ROBO1: variants seen among roughly 807,000 people sequenced by gnomAD.
The protein encoded by ROBO1 is roundabout homolog 1.
Under a neutral mutation model 195.9 loss-of-function variants are expected in ROBO1, and 149 were observed. That is an observed-to-expected ratio of 0.76 (90% confidence interval 0.67 to 0.87). ROBO1 has a LOEUF of 0.87. Among genes scored for constraint, ROBO1 ranks in the 40% least tolerant of loss-of-function variants. ROBO1 has a pLI of 0.00. For missense variants in ROBO1, 1,933 were observed against 2,068.3 expected, an observed-to-expected ratio of 0.93 and a Z score of 1.27; for synonymous variants, 816 against 733.2, an observed-to-expected ratio of 1.11 and a Z score of -1.82.
chr3:79,180,345 C>G (rs556901994), intron 2 of ROBO1, among the ~76,000 whole-genome samples: 1 of 152,124 alleles, frequency 6.6e-6, no homozygotes, highest in Non-Finnish European at 1.5e-5. Flanking sequence ...GGGATAAATA[C>G]TAACAAAACA....
intron 10 of ROBO1, among the ~76,000 whole-genome samples, chr3:78,674,377 C>A (rs1022695913): frequency 6.6e-6 from 1 of 152,306 alleles, no homozygotes; most frequent in African/African-American, 2.4e-5. Flanking sequence ...AAGTACTCTG[C>A]CTACTAGCCA....
chr3:79,345,324 A>G (rs2035069505), intron 2 of ROBO1, among the ~76,000 whole-genome samples: 1 of 152,168 alleles, frequency 6.6e-6, no homozygotes, highest in South Asian at 2.1e-4. Context: ...GTTCTTAGTC[A>G]TTTACAGACC....
intron 2 of ROBO1, among the ~76,000 whole-genome samples, chr3:79,425,018 C>A (rs2106964792): frequency 6.6e-6 from 1 of 152,244 alleles, no homozygotes; most frequent in South Asian, 2.1e-4. Flanking sequence ...GCGACATGCT[C>A]CTTCATGCCT....
At chr3:79,276,621 G>A (rs2108988580) in intron 2 of ROBO1, among the ~76,000 whole-genome samples, 1 of 151,678 alleles carries the variant, frequency 6.6e-6, no homozygotes, top group South Asian at 2.1e-4. Context: ...TTGACAAATG[G>A]GATCATATAA....
intron 5 of ROBO1, among the ~76,000 whole-genome samples, chr3:78,731,693 A>C (rs1576041730): frequency 6.6e-6 from 1 of 152,322 alleles, no homozygotes; most frequent in Non-Finnish European, 1.5e-5. Context: ...ACTGCATTAT[A>C]GCAGACAAAT....
At chr3:79,191,047 C>T (rs546608876) in intron 2 of ROBO1, among the ~76,000 whole-genome samples, 2 of 151,532 alleles carry the variant, frequency 1.3e-5, no homozygotes, top group Admixed American at 6.6e-5. Context: ...TGAGGAAACT[C>T]GTATTTGCTG....
intron 2 of ROBO1, among the ~76,000 whole-genome samples, chr3:79,444,137 T>C (rs1450364722): frequency 6.6e-6 from 1 of 152,106 alleles, no homozygotes; most frequent in African/African-American, 2.4e-5. Context: ...TACATAAATA[T>C]ATTGTTAATT....
intron 3 of ROBO1, among the ~76,000 whole-genome samples, chr3:79,034,437 G>A (rs1012676674): frequency 6.6e-6 from 1 of 152,120 alleles, no homozygotes; most frequent in Non-Finnish European, 1.5e-5. Flanking sequence ...GTCTCTGGGA[G>A]TGAAGAACGA....
chr3:79,580,496 TAAAC>T (rs1943626146), intron 2 of ROBO1, among the ~76,000 whole-genome samples: 2 of 151,628 alleles, frequency 1.3e-5, no homozygotes, highest in Admixed American at 1.3e-4. Context: ...AATAAATAAA[TAAAC>T]ACACAAACAA....
chr3:78,903,566 C>T (rs924849160), intron 4 of ROBO1, among the ~76,000 whole-genome samples: 1 of 151,778 alleles, frequency 6.6e-6, no homozygotes, highest in African/African-American at 2.4e-5. Flanking sequence ...CACACACACA[C>T]ACACACACAC....
chr3:78,893,276 G>C (rs965550573), intron 4 of ROBO1, among the ~76,000 whole-genome samples: 1 of 152,148 alleles, frequency 6.6e-6, no homozygotes, highest in Non-Finnish European at 1.5e-5. Flanking sequence ...CTCTATGAAA[G>C]AGTTAAGGCC....
chr3:79,272,571 C>T (rs2030661821), intron 2 of ROBO1, among the ~76,000 whole-genome samples: 1 of 152,066 alleles, frequency 6.6e-6, no homozygotes, highest in Admixed American at 6.6e-5. Flanking sequence ...CTCCCAGCAG[C>T]AGGGGCATGG....
chr3:79,070,130 TCTC>T (rs2079062927), intron 3 of ROBO1, among the ~76,000 whole-genome samples: 2 of 151,876 alleles, frequency 1.3e-5, no homozygotes, highest in South Asian at 4.1e-4. Flanking sequence ...TCTCTGACCT[TCTC>T]CTGAGAAAGA....
chr3:78,721,098 TA>T (rs552047332), intron 5 of ROBO1, among the ~76,000 whole-genome samples: 46 of 148,412 alleles, frequency 3.1e-4, no homozygotes, highest in African/African-American at 8.9e-4. Context: ...AAAGTATAAT[TA>T]AAAAAAAAAG....
intron 3 of ROBO1, among the ~76,000 whole-genome samples, chr3:79,071,175 A>G (rs548375560): frequency 1.2e-4 from 18 of 151,766 alleles, no homozygotes; most frequent in Non-Finnish European, 2.1e-4. Flanking sequence ...ATTACTTTCA[A>G]TTTACCCTTT....
chr3:78,826,261 T>A (rs535234695), intron 4 of ROBO1, among the ~76,000 whole-genome samples: 1 of 152,328 alleles, frequency 6.6e-6, no homozygotes, highest in East Asian at 1.9e-4. Flanking sequence ...ACGCACATTA[T>A]ATTCTACAGA....
chr3:78,812,633 A>G (rs999551953), intron 4 of ROBO1, among the ~76,000 whole-genome samples: 5 of 152,016 alleles, frequency 3.3e-5, no homozygotes, highest in East Asian at 1.9e-4. Context: ...TTACTTATTT[A>G]TATTATTTAA....
intron 8 of ROBO1, among the ~76,000 whole-genome samples, chr3:78,707,121 T>C (rs551826323): frequency 3.5e-4 from 54 of 152,302 alleles, no homozygotes; most frequent in African/African-American, 7.5e-4. Flanking sequence ...TCTGAGTTCA[T>C]TGGGACAGTA....
chr3:78,845,076 A>C (rs2033562107), intron 4 of ROBO1, among the ~76,000 whole-genome samples: 1 of 152,154 alleles, frequency 6.6e-6, no homozygotes, highest in Admixed American at 6.6e-5. Flanking sequence ...CTTAAGACTT[A>C]TTACAAAATA....
Sources: gnomAD v4.1 joint callset for allele counts (sites outside exome capture counted in the v4.1 genomes callset) on GRCh38, gnomAD v4.1.1 for gene constraint, MANE v1.5 for transcripts, NCBI Gene and HGNC (gene_info 2026-07-23, HGNC 2026-07-21) for gene names.